NMU: variants seen among roughly 807,000 people sequenced by gnomAD.
NMU encodes neuromedin-U.
Under a neutral mutation model 35.4 loss-of-function variants are expected in NMU, and 29 were observed. The ratio of observed to expected loss-of-function variants is 0.82; its 90% CI spans 0.61 to 1.12. NMU has a LOEUF of 1.12. Among genes scored for constraint, NMU ranks in the 50% most tolerant of loss-of-function variants. The pLI is 0.00. For synonymous variants in NMU, 78 were observed against 81.3 expected (o/e 0.96, Z 0.22); for missense variants, 199 against 206.2 (o/e 0.97, Z 0.21).
At chr4:55,598,405 C>T (rs1003258637) in intron 9 of NMU, among the ~76,000 whole-genome samples, 9 of 152,106 alleles carry the variant, frequency 5.9e-5, no homozygotes, top group Admixed American at 5.9e-4. Context: ...AAAATATGTT[C>T]AGCATAAAAT....
chr4:55,626,407 A>C (rs1294219458), intron 2 of NMU, among the ~76,000 whole-genome samples: 1 of 152,200 alleles, frequency 6.6e-6, no homozygotes, highest in African/African-American at 2.4e-5. Context: ...AGACATTGTC[A>C]ATATCTTCTT....
intron 2 of NMU, among the ~76,000 whole-genome samples, chr4:55,619,188 C>T (rs573592340): frequency 3.4e-4 from 52 of 152,040 alleles, no homozygotes; most frequent in African/African-American, 1.1e-3. Flanking sequence ...GGAACAGCTC[C>T]GGTCTACAGC....
chr4:55,607,409 A>G, intron 5 of NMU, 28 bp downstream of exon 5: 1 of 1,234,774 alleles, frequency 8.1e-7, no homozygotes, highest in Non-Finnish European at 1.2e-6. Context: ...TTATTTTATA[A>G]GGTATAGATG....
intron 9 of NMU, among the ~76,000 whole-genome samples, chr4:55,597,632 C>T (rs1201111762): frequency 1.3e-5 from 2 of 152,162 alleles, no homozygotes; most frequent in Non-Finnish European, 2.9e-5. Context: ...TCCCAAGGTG[C>T]TGGGATTACA....
intron 3 of NMU, among the ~76,000 whole-genome samples, chr4:55,614,576 G>A (rs950658700): frequency 2.0e-5 from 3 of 152,122 alleles, no homozygotes; most frequent in African/African-American, 4.8e-5. Context: ...AATTTCACAT[G>A]TAATAAAACA....
chr4:55,626,146 C>T (rs894915718), intron 2 of NMU, among the ~76,000 whole-genome samples: 1 of 152,118 alleles, frequency 6.6e-6, no homozygotes, highest in Non-Finnish European at 1.5e-5. Context: ...TTAACATTTG[C>T]GATTAACTAG....
At chr4:55,610,813 C>T (rs1207236513) in intron 3 of NMU, among the ~76,000 whole-genome samples, 1 of 152,182 alleles carries the variant, frequency 6.6e-6, no homozygotes, top group Non-Finnish European at 1.5e-5. Flanking sequence ...ATGATGGTCA[C>T]ATAAGATTAT....
At chr4:55,630,007 T>C (rs1734693315) in intron 2 of NMU, among the ~76,000 whole-genome samples, 1 of 150,752 alleles carries the variant, frequency 6.6e-6, no homozygotes, top group East Asian at 2.0e-4. Context: ...TCAGTTTATA[T>C]TTGCTTGCTA....
At chr4:55,627,462 A>G (rs1206186959) in intron 2 of NMU, among the ~76,000 whole-genome samples, 2 of 151,860 alleles carry the variant, frequency 1.3e-5, no homozygotes, top group Non-Finnish European at 2.9e-5. Context: ...ATATTAATTA[A>G]TGAGGAAAAT....
intron 3 of NMU, among the ~76,000 whole-genome samples, chr4:55,615,329 G>A (rs1734072407): frequency 1.3e-5 from 2 of 152,216 alleles, no homozygotes; most frequent in Admixed American, 1.3e-4. Context: ...TAGAGTCAGT[G>A]TTCTTGCTCT....
chr4:55,615,064 C>T (rs1405311406), intron 3 of NMU, among the ~76,000 whole-genome samples: 2 of 152,176 alleles, frequency 1.3e-5, no homozygotes, highest in African/African-American at 2.4e-5. Flanking sequence ...AGCCTGGGCA[C>T]CTCGGCCAAA....
chr4:55,633,340 A>AG (rs1325112616), intron 1 of NMU, among the ~76,000 whole-genome samples: 1 of 151,752 alleles, frequency 6.6e-6, no homozygotes, highest in Non-Finnish European at 1.5e-5. Flanking sequence ...AAAAAGAAAA[A>AG]AAAAAAAAAG....
At chr4:55,613,113 G>C (rs1733999899) in intron 3 of NMU, among the ~76,000 whole-genome samples, 1 of 151,988 alleles carries the variant, frequency 6.6e-6, no homozygotes, top group South Asian at 2.1e-4. Flanking sequence ...GGATGCACGT[G>C]GGCAAAGAGA....
chr4:55,616,194 T>A (rs1734103709), intron 3 of NMU, 144 bp downstream of exon 3: 2 of 687,482 alleles, frequency 2.9e-6, no homozygotes, highest in Non-Finnish European at 5.3e-6. Flanking sequence ...CCCACAGTAT[T>A]GATTATTATC....
At chr4:55,600,633 C>T in intron 7 of NMU, 58 bp from the exon 8 acceptor site, 1 of 1,245,560 alleles carries the variant, frequency 8.0e-7, no homozygotes, top group Non-Finnish European at 1.2e-6. Context: ...AGTGCAAATT[C>T]TCCTTGAAAG....
At chr4:55,596,157 A>G (rs1733172509) in intron 9 of NMU, among the ~76,000 whole-genome samples, 1 of 152,130 alleles carries the variant, frequency 6.6e-6, no homozygotes, top group African/African-American at 2.4e-5. Flanking sequence ...AAATCATTCT[A>G]TTTTATGTTT....
At chr4:55,632,276 AT>A (rs113866022) in intron 1 of NMU, among the ~76,000 whole-genome samples, 3 of 151,600 alleles carry the variant, frequency 2.0e-5, no homozygotes, top group Non-Finnish European at 2.9e-5. Context: ...ATCCTGATAG[AT>A]TTTTTTTTCC....
intron 1 of NMU, among the ~76,000 whole-genome samples, chr4:55,635,418 A>C (rs1715855812): frequency 6.6e-6 from 1 of 152,148 alleles, no homozygotes; most frequent in Non-Finnish European, 1.5e-5. Context: ...TAGCTGTCGC[A>C]CTGCCTGAAA....
intron 2 of NMU, among the ~76,000 whole-genome samples, chr4:55,617,653 G>A (rs1734160610): frequency 6.6e-6 from 1 of 152,202 alleles, no homozygotes; most frequent in African/African-American, 2.4e-5. Context: ...AGAGGGGAAA[G>A]TCAAAAAGAT....
Sources: allele counts gnomAD v4.1 joint callset (sites outside exome capture counted in the v4.1 genomes callset), GRCh38; gene constraint gnomAD v4.1.1; transcripts MANE v1.5; gene names NCBI Gene and HGNC (gene_info 2026-07-23, HGNC 2026-07-21).